The following UTS2 variants were observed in gnomAD, a reference collection of about 807,000 sequenced individuals.
The protein encoded by UTS2 is urotensin 2.
UTS2 carries 10 observed loss-of-function variants against 12.6 expected under a neutral mutation model. That is an observed-to-expected ratio of 0.80 (90% CI 0.49 to 1.35). The LOEUF is 1.35. UTS2 is among the 40% of genes most tolerant of loss of function. UTS2 has a pLI of 0.00. For synonymous variants in UTS2, 52 were observed against 50.0 expected (o/e 1.04, Z -0.17); for missense variants, 142 against 143.2 (o/e 0.99, Z 0.04).
the UTS2 span, among the ~76,000 whole-genome samples, chr1:7,874,900 C>G: frequency 1.3e-5 from 2 of 152,164 alleles, no homozygotes; most frequent in South Asian, 4.1e-4. Flanking sequence ...CACACACACT[C>G]TCTCCTGTCG....
At chr1:7,856,952 T>C (rs1238769675), upstream of UTS2, among the ~76,000 whole-genome samples, 2 of 151,842 alleles carry the variant, frequency 1.3e-5, no homozygotes, top group South Asian at 2.1e-4. Flanking sequence ...TCCCAGCTAC[T>C]TGGGAGGCTA....
upstream of UTS2, among the ~76,000 whole-genome samples, chr1:7,855,021 C>T (rs1160514777): frequency 1.3e-5 from 2 of 151,810 alleles, no homozygotes; most frequent in East Asian, 1.9e-4. Context: ...ATTAGCTGGG[C>T]GTGGTGGCAG....
the UTS2 span, among the ~76,000 whole-genome samples, chr1:7,908,187 T>A: frequency 6.6e-6 from 1 of 151,576 alleles, no homozygotes; most frequent in Non-Finnish European, 1.5e-5. Context: ...TAATCCCAGC[T>A]ACTCCGGAGC....
At chr1:7,895,549 G>T in the UTS2 span, among the ~76,000 whole-genome samples, 76 of 152,230 alleles carry the variant, frequency 5.0e-4, no homozygotes, top group African/African-American at 1.8e-3. Flanking sequence ...GATGAGGAGT[G>T]CAGGCTTGTT....
At chr1:7,891,606 A>G in the UTS2 span, among the ~76,000 whole-genome samples, 2 of 151,602 alleles carry the variant, frequency 1.3e-5, no homozygotes, top group Non-Finnish European at 1.5e-5. Flanking sequence ...GAAAATTGCC[A>G]AGAGTAGATT....
At chr1:7,881,577 A>C in the UTS2 span, among the ~76,000 whole-genome samples, 1 of 152,200 alleles carries the variant, frequency 6.6e-6, no homozygotes, top group Non-Finnish European at 1.5e-5. Flanking sequence ...TTAACCAATG[A>C]TGTAAAATAC....
chr1:7,908,808 A>ATT, the UTS2 span, among the ~76,000 whole-genome samples: 2 of 144,560 alleles, frequency 1.4e-5, no homozygotes, highest in African/African-American at 2.6e-5. Flanking sequence ...CAAAGGCACA[A>ATT]TTTTTTTTTT....
the UTS2 span, among the ~76,000 whole-genome samples, chr1:7,912,383 A>G: frequency 1.3e-5 from 2 of 152,196 alleles, no homozygotes; most frequent in Non-Finnish European, 2.9e-5. Flanking sequence ...AGCAAGTTTC[A>G]GTCTTTCATT....
intron 1 of UTS2, 75 bp from the exon 2 acceptor site, chr1:7,850,997 G>C: frequency 7.0e-7 from 1 of 1,420,326 alleles, no homozygotes; most frequent in South Asian, 1.2e-5. Flanking sequence ...TGTCTTTGGC[G>C]AGCACCAGAG....
At chr1:7,898,628 A>G in the UTS2 span, among the ~76,000 whole-genome samples, 1 of 152,062 alleles carries the variant, frequency 6.6e-6, no homozygotes. Flanking sequence ...GGTGCCTGCC[A>G]CTACGCCCGG....
chr1:7,877,370 C>G, the UTS2 span, among the ~76,000 whole-genome samples: 1 of 152,052 alleles, frequency 6.6e-6, no homozygotes, highest in African/African-American at 2.4e-5. Context: ...AATTCATGAT[C>G]TGAATGCGAA....
the UTS2 span, among the ~76,000 whole-genome samples, chr1:7,874,579 T>C: frequency 6.6e-6 from 1 of 152,166 alleles, no homozygotes; most frequent in Non-Finnish European, 1.5e-5. Flanking sequence ...AGGCTGCCCC[T>C]GGGACAAAGG....
At chr1:7,869,708 G>A in the UTS2 span, among the ~76,000 whole-genome samples, 6 of 152,360 alleles carry the variant, frequency 3.9e-5, no homozygotes, top group African/African-American at 9.6e-5. Flanking sequence ...GATGCGTCAC[G>A]CACCCGAGTG....
chr1:7,868,962 C>G, the UTS2 span, among the ~76,000 whole-genome samples: 3 of 151,940 alleles, frequency 2.0e-5, no homozygotes, highest in Non-Finnish European at 1.5e-5. Context: ...ATCTGAAAAC[C>G]AGACACCAAA....
the UTS2 span, among the ~76,000 whole-genome samples, chr1:7,904,102 C>T: frequency 6.6e-6 from 1 of 151,688 alleles, no homozygotes; most frequent in African/African-American, 2.4e-5. Flanking sequence ...AATATTTTTT[C>T]ATTGATTTAA....
intron 1 of UTS2, among the ~76,000 whole-genome samples, chr1:7,852,127 C>G (rs1470889231): frequency 1.3e-5 from 2 of 151,414 alleles, no homozygotes; most frequent in African/African-American, 4.9e-5. Context: ...ACTATAAAAT[C>G]CTTGGCTTAA....
the UTS2 span, among the ~76,000 whole-genome samples, chr1:7,883,669 C>T: frequency 6.6e-6 from 1 of 152,160 alleles, no homozygotes; most frequent in African/African-American, 2.4e-5. Flanking sequence ...GCTCAATTAT[C>T]ATGTATCAAT....
chr1:7,858,959 T>C, the UTS2 span, among the ~76,000 whole-genome samples: 23 of 152,352 alleles, frequency 1.5e-4, no homozygotes, highest in African/African-American at 5.1e-4. Context: ...TTGATAGGAA[T>C]TGACTTTGCC....
chr1:7,889,442 CAAAAAAA>C, the UTS2 span, among the ~76,000 whole-genome samples: 2 of 85,398 alleles, frequency 2.3e-5, no homozygotes, highest in African/African-American at 4.4e-5. Flanking sequence ...ATCTTATCAC[CAAAAAAA>C]AAAAAAAAAA....
Sources: allele counts gnomAD v4.1 joint callset (sites outside exome capture counted in the v4.1 genomes callset), GRCh38; gene constraint gnomAD v4.1.1; transcripts MANE v1.5; gene names NCBI Gene and HGNC (gene_info 2026-07-23, HGNC 2026-07-21).